GRID2: variants seen among roughly 807,000 people sequenced by gnomAD.
GRID2 encodes glutamate ionotropic receptor delta type subunit 2.
GRID2 carries 33 observed loss-of-function variants against 114.8 expected under a neutral mutation model. The ratio of observed to expected loss-of-function variants is 0.29; its 90% confidence interval spans 0.22 to 0.38. The LOEUF is 0.38. Among genes scored for constraint, GRID2 ranks in the 10% least tolerant of loss-of-function variants. GRID2 has a pLI of 1.00. For synonymous variants in GRID2, 505 were observed against 449.9 expected, an observed-to-expected ratio of 1.12 and a Z score of -1.55; for missense variants, 1,184 against 1,257.7, an observed-to-expected ratio of 0.94 and a Z score of 0.89.
chr4:93,250,364 G>A (rs1748729378), intron 8 of GRID2, among the ~76,000 whole-genome samples: 2 of 151,662 alleles, frequency 1.3e-5, no homozygotes, highest in South Asian at 4.1e-4. Context: ...GTGCTGTGTG[G>A]GGGATAGCAT....
chr4:93,258,752 A>G (rs980168153), intron 8 of GRID2: 23 of 342,674 alleles, frequency 6.7e-5, no homozygotes, highest in Admixed American at 6.6e-4. Context: ...AACCTGAAGG[A>G]TTGTCATTTA....
At chr4:93,471,337 C>A (rs1724781840) in intron 11 of GRID2, among the ~76,000 whole-genome samples, 1 of 152,148 alleles carries the variant, frequency 6.6e-6, no homozygotes, top group African/African-American at 2.4e-5. Context: ...ACTGTCTCTT[C>A]ATAAGATAAG....
chr4:92,744,805 G>A (rs1405120739), intron 2 of GRID2, among the ~76,000 whole-genome samples: 3 of 151,964 alleles, frequency 2.0e-5, no homozygotes, highest in South Asian at 2.1e-4. Flanking sequence ...ATAATGTTTT[G>A]TAAATCGTTA....
intron 2 of GRID2, among the ~76,000 whole-genome samples, chr4:92,794,030 G>C (rs534631003): frequency 6.6e-6 from 1 of 151,980 alleles, no homozygotes; most frequent in East Asian, 1.9e-4. Flanking sequence ...ATGCCGATTA[G>C]TGGCCATTGT....
At chr4:92,549,122 CAAA>C (rs35094573) in intron 1 of GRID2, among the ~76,000 whole-genome samples, 2 of 111,994 alleles carry the variant, frequency 1.8e-5, no homozygotes, top group Non-Finnish European at 3.9e-5. Flanking sequence ...AGGTCTTCCG[CAAA>C]AAAAAAAAAA....
At chr4:92,848,641 C>G (rs1021017512) in intron 2 of GRID2, among the ~76,000 whole-genome samples, 2 of 151,872 alleles carry the variant, frequency 1.3e-5, no homozygotes, top group African/African-American at 4.8e-5. Flanking sequence ...TAATGGGTAA[C>G]TAGATTGATG....
In GRID2 at chr4:92,939,287, G is replaced by A. The variant is rs555139469; in HGVS notation, c.245-145708G>A. Among the ~76,000 whole-genome samples the A allele has an allele frequency of 8.1e-5, 12 of 147,546 alleles. 1 individual carries two copies. In the East Asian group the frequency reaches 2.6e-3, roughly 32 times the overall value. On this transcript the variant is annotated intron_variant, in intron 2 of 15. Coordinates refer to ENST00000282020, the MANE Select transcript of GRID2 (RefSeq NM_001510.4). ...TGGTGGGAGATGATATCTCATTGTG[G>A]TTTTGATTTGCATTTCTCTGATGGC...
chr4:92,976,212 C>A (rs1199975630), intron 2 of GRID2, among the ~76,000 whole-genome samples: 1 of 151,918 alleles, frequency 6.6e-6, no homozygotes, highest in Non-Finnish European at 1.5e-5. Flanking sequence ...TAACTGATAG[C>A]TAATCTTGTT....
chr4:92,426,753 T>A (rs1732178261), intron 1 of GRID2, among the ~76,000 whole-genome samples: 1 of 152,172 alleles, frequency 6.6e-6, no homozygotes, highest in African/African-American at 2.4e-5. Context: ...TTCTTTCCAC[T>A]GATACAAGCA....
intron 8 of GRID2, among the ~76,000 whole-genome samples, chr4:93,336,759 C>T (rs573175405): frequency 1.3e-5 from 2 of 152,238 alleles, no homozygotes; most frequent in East Asian, 1.9e-4. Flanking sequence ...GTTTTACTTT[C>T]CCCCTGAAAT....
chr4:93,122,890 G>GTTTTTTTTGTT (rs1733915033), intron 4 of GRID2, among the ~76,000 whole-genome samples: 4 of 69,792 alleles, frequency 5.7e-5, no homozygotes, highest in East Asian at 9.2e-4. Context: ...ACAGATGTGG[G>GTTTTTTTTGTT]TTTTTTTTTT....
chr4:93,473,199 G>A (rs1022332379), intron 11 of GRID2, among the ~76,000 whole-genome samples: 68 of 151,642 alleles, frequency 4.5e-4, no homozygotes, highest in African/African-American at 1.5e-3. Flanking sequence ...TTTATTATAT[G>A]TTTATACAAT....
In GRID2 at chr4:93,616,793, C is replaced by A. The variant is rs917746947; in HGVS notation, c.2194-9476C>A. Among the ~76,000 whole-genome samples, 6 of 151,458 alleles carry A rather than the reference C, an allele frequency of 4.0e-5. No individual in the cohort carries two copies. In the East Asian group the frequency reaches 1.2e-3, roughly 29 times the overall value. On this transcript the variant is annotated intron_variant, in intron 13 of 15. Coordinates refer to ENST00000282020, the MANE Select transcript of GRID2 (RefSeq NM_001510.4). ...ATAAAAATCAGTGAGGCGATCGAGA[C>A]CATCCTGGCTAACATAGTGAAACCC...
intron 12 of GRID2, among the ~76,000 whole-genome samples, chr4:93,500,911 G>A (rs1397015631): frequency 2.0e-5 from 3 of 152,080 alleles, no homozygotes; most frequent in Non-Finnish European, 2.9e-5. Context: ...ACTATATTTA[G>A]TGTCTCCCTT....
intron 13 of GRID2, among the ~76,000 whole-genome samples, chr4:93,517,857 ACTT>A (rs756182264): frequency 2.6e-4 from 39 of 151,130 alleles, no homozygotes; most frequent in East Asian, 2.0e-4. Flanking sequence ...AAAAGGCCAC[ACTT>A]CTTCTATAAT....
intron 13 of GRID2, among the ~76,000 whole-genome samples, chr4:93,618,060 T>C (rs1486010856): frequency 2.0e-5 from 3 of 152,218 alleles, no homozygotes; most frequent in Admixed American, 2.0e-4. Context: ...ATGGGGCTTT[T>C]GTGCTATGAC....
Position 93,019,212 on chromosome 4 carries a change from C to T in GRID2, c.245-65783C>T, listed in dbSNP as rs374105921. Among the ~76,000 whole-genome samples the T allele has an allele frequency of 5.1e-4, 77 of 152,256 alleles. No homozygotes were observed. The South Asian group carries it at 0.014, about 28-fold the overall frequency. On this transcript the variant is annotated intron_variant, in intron 2 of 15. Transcript: ENST00000282020. ...GTCAGTGTTCCTACACATTCATATACACACACATACATGTACACATATACA... is the reference window on the plus strand; with the variant it reads ...GTCAGTGTTCCTACACATTCATATATACACACATACATGTACACATATACA...
intron 2 of GRID2, among the ~76,000 whole-genome samples, chr4:92,723,917 CATA>C (rs1459685687): frequency 6.6e-6 from 1 of 152,036 alleles, no homozygotes; most frequent in Non-Finnish European, 1.5e-5. Flanking sequence ...CTATTAAAAT[CATA>C]ATTATTCAAA....
At chr4:93,263,952 T>A (rs1283585806) in intron 8 of GRID2, among the ~76,000 whole-genome samples, 1 of 152,122 alleles carries the variant, frequency 6.6e-6, no homozygotes, top group East Asian at 1.9e-4. Context: ...ATGAATTTGT[T>A]TGTTTTAGGG....
Sources: gnomAD v4.1 joint callset for allele counts (sites outside exome capture counted in the v4.1 genomes callset) on GRCh38, gnomAD v4.1.1 for gene constraint, MANE v1.5 for transcripts, NCBI Gene and HGNC (gene_info 2026-07-23, HGNC 2026-07-21) for gene names.